PTPRN2: variants seen among roughly 807,000 people sequenced by gnomAD.
PTPRN2 encodes the protein protein tyrosine phosphatase receptor type N2.
A neutral mutation model predicts 118.8 loss-of-function variants in PTPRN2; 74 were observed. The observed-to-expected ratio is 0.62, with a 90% CI of 0.52 to 0.76. PTPRN2 has a LOEUF of 0.76. Among genes scored for constraint, PTPRN2 ranks in the 30% least tolerant of loss-of-function variants. The probability of loss-of-function intolerance (pLI) is 0.00; values close to 1 mark genes in which losing one functional copy is unlikely to be tolerated. For missense variants in PTPRN2, 1,481 were observed against 1,394.4 expected (o/e 1.06, Z -0.99); for synonymous variants, 641 against 608.0 (o/e 1.05, Z -0.80).
At chr7:158,132,913 G>T (rs943205232) in intron 9 of PTPRN2, among the ~76,000 whole-genome samples, 4 of 152,220 alleles carry the variant, frequency 2.6e-5, no homozygotes, top group African/African-American at 9.6e-5. Context: ...GTACATCCAG[G>T]CAGACACGTC....
At chr7:158,556,939 G>A (rs1372074685) in intron 1 of PTPRN2, among the ~76,000 whole-genome samples, 6 of 145,182 alleles carry the variant, frequency 4.1e-5, no homozygotes, top group Non-Finnish European at 9.0e-5. Flanking sequence ...CGGCTCCCGC[G>A]CAGGTCACTC....
At chr7:157,941,922 G>T (rs533610739) in intron 11 of PTPRN2, among the ~76,000 whole-genome samples, 12 of 152,274 alleles carry the variant, frequency 7.9e-5, no homozygotes, top group Admixed American at 2.6e-4. Flanking sequence ...TTTGCTAAGT[G>T]GTTGGTCCCC....
chr7:157,979,174 C>T (rs1390200554), intron 11 of PTPRN2, among the ~76,000 whole-genome samples: 2 of 151,906 alleles, frequency 1.3e-5, no homozygotes, highest in Admixed American at 6.6e-5. Context: ...GCCCAGTCCA[C>T]AGCAGATGGC....
chr7:158,523,354 A>C (rs1586863153), intron 1 of PTPRN2, among the ~76,000 whole-genome samples: 1 of 144,446 alleles, frequency 6.9e-6, no homozygotes, highest in African/African-American at 2.5e-5. Context: ...TCTGCCCTGA[A>C]GTGGAGTCTG....
At chr7:157,669,456 C>A (rs901275261) in intron 13 of PTPRN2, 8 of 458,740 alleles carry the variant, frequency 1.7e-5, no homozygotes, top group Non-Finnish European at 3.5e-5. Flanking sequence ...GGAGGATGCC[C>A]CTGACAGCAG....
rs569825523 is a variant in PTPRN2 at position 158,110,872 on chromosome 7, C to T, written c.1600G>A (p.Ala534Thr). 5.4e-5 allele frequency: 86 copies of T among 1,587,204 alleles called. No individual in the cohort carries two copies. The highest frequency in any genetic ancestry group is 7.0e-5 in the Non-Finnish European group (82 of 1,166,776). ...EEGRRLVEDVARLLQVPSSAF... is the reference protein window; with the variant it reads ...EEGRRLVEDVTRLLQVPSSAF... ...CTGCTGGGCACCTGCAGGAGGCGGG[C>T]GACGTCCTCCACCAGCCGCCTTCCT... is the stretch of plus-strand genomic sequence containing the variant. The change falls in exon 10 of 23, where the codon GCC (alanine) becomes ACC (threonine). Residue 534 changes from alanine (A) to threonine (T), a missense_variant. Ala to Thr is a moderately conservative substitution (Grantham distance 58). Transcript: ENST00000389418.
chr7:157,785,706 A>G lies in PTPRN2; in HGVS notation c.1789-102769T>C, dbSNP rs56928979. Among the ~76,000 whole-genome samples, 35,660 of 152,072 alleles carry G rather than the reference A, an allele frequency of 0.23. 6,559 individuals carry two copies. The highest frequency in any genetic ancestry group is 0.51 in the African/African-American group (21,351 of 41,462). The stretch of plus-strand genomic sequence containing the variant: ...AGGGGGAGCCTGCTCAGAGATGGGC[A>G]TGGGGCCGGCCTGGGAAGCATGGCG... On this transcript the variant is annotated intron_variant, in intron 12 of 22. Transcript: ENST00000389418. This position sits in a 1 kb window ranked among gnomAD's most constrained non-coding sequence, Gnocchi z 7.3.
chr7:158,087,480 C>T (rs570721658), intron 10 of PTPRN2, among the ~76,000 whole-genome samples: 3 of 152,346 alleles, frequency 2.0e-5, no homozygotes, highest in East Asian at 1.9e-4. Flanking sequence ...GAACCATCCA[C>T]CTTTTGACAG....
chr7:157,721,471 C>G (rs1799228736), intron 12 of PTPRN2, among the ~76,000 whole-genome samples: 1 of 152,242 alleles, frequency 6.6e-6, no homozygotes, highest in Non-Finnish European at 1.5e-5. Flanking sequence ...CAAAGCATCT[C>G]CACACGTCGA....
At chr7:158,358,749 G>A (rs896651099) in intron 2 of PTPRN2, among the ~76,000 whole-genome samples, 1 of 152,216 alleles carries the variant, frequency 6.6e-6, no homozygotes, top group Non-Finnish European at 1.5e-5. Flanking sequence ...CCCCCAGATG[G>A]TCAGGTTCAC....
At position 158,406,143 on chromosome 7, in the gene PTPRN2, C is replaced by T. The variant is rs13307030; in HGVS notation, c.163+83592G>A. Among the ~76,000 whole-genome samples, 328 of 100,052 alleles carry T rather than the reference C, an allele frequency of 3.3e-3. 42 individuals are homozygous for T. Among genetic ancestry groups the T allele is most frequent in the African/African-American group, 4.2e-3 (104 of 24,790 alleles). 65.6% of individuals were successfully genotyped at this position (100,052 alleles called of 152,430 possible). On this transcript the variant is annotated intron_variant, in intron 2 of 22. Transcript: ENST00000389418. ...GTGGCTCATCCGTGAGACACGTGGC[C>T]GCACACTGAGATCCCGCAGTGGCTC...
intron 9 of PTPRN2, among the ~76,000 whole-genome samples, chr7:158,128,365 T>G (rs1050542335): frequency 6.6e-6 from 1 of 152,064 alleles, no homozygotes; most frequent in Non-Finnish European, 1.5e-5. Context: ...TCCAACCAGT[T>G]GAAGTCGCAA....
intron 8 of PTPRN2, among the ~76,000 whole-genome samples, chr7:158,134,650 AT>A (rs1421867655): frequency 6.6e-6 from 1 of 152,060 alleles, no homozygotes; most frequent in Non-Finnish European, 1.5e-5. Flanking sequence ...GGGATGTGTA[AT>A]TGATTCTAAC....
intron 12 of PTPRN2, among the ~76,000 whole-genome samples, chr7:157,704,573 G>A (rs770856116): frequency 8.5e-5 from 13 of 152,292 alleles, no homozygotes; most frequent in Middle Eastern, 3.4e-3. Context: ...CGCTCTCCTG[G>A]GCACCCTACC....
In PTPRN2 at chr7:157,976,267, C is replaced by T. The variant is rs575741634; in HGVS notation, c.1724-77530G>A. Among the ~76,000 whole-genome samples, 7 of 152,312 alleles carry T rather than the reference C, an allele frequency of 4.6e-5. No homozygotes were observed. The East Asian group carries it at 5.8e-4, about 13-fold the overall frequency. Reference sequence around the variant, plus strand: ...GAGGTGCTCGGCGATTCCCAGGAGGCGCTGATGAGTTGCTCAGCCTGGCAG... The same window carrying T: ...GAGGTGCTCGGCGATTCCCAGGAGGTGCTGATGAGTTGCTCAGCCTGGCAG... On this transcript the variant is annotated intron_variant, in intron 11 of 22. Transcript: ENST00000389418.
At chr7:158,297,838 T>C (rs374037625) in intron 3 of PTPRN2, among the ~76,000 whole-genome samples, 10 of 152,242 alleles carry the variant, frequency 6.6e-5, no homozygotes, top group African/African-American at 1.9e-4. Context: ...GTGGACAGAA[T>C]GAATTTCCTA....
At chr7:157,781,267 T>G (rs1466179435) in intron 12 of PTPRN2, among the ~76,000 whole-genome samples, 3 of 152,204 alleles carry the variant, frequency 2.0e-5, no homozygotes, top group African/African-American at 7.2e-5. Flanking sequence ...TATCATCTCC[T>G]CAAAGTGGAG....
chr7:157,646,943 CA>C (rs1805130538), intron 14 of PTPRN2, among the ~76,000 whole-genome samples: 11 of 147,330 alleles, frequency 7.5e-5, no homozygotes, highest in East Asian at 2.0e-4. Context: ...CAGACCCATC[CA>C]GGGTGCACTG....
chr7:157,606,692 G>A lies in PTPRN2; in HGVS notation c.2345-2617C>T, dbSNP rs114375540. Among the ~76,000 whole-genome samples, 758 of 152,364 alleles carry A rather than the reference G, an allele frequency of 5.0e-3. 11 individuals are homozygous for A. Among genetic ancestry groups the A allele is most frequent in the African/African-American group, 0.017 (699 of 41,588 alleles). Reference sequence around the variant, plus strand: ...TGGGCGCTGGCACCAGAAGGAAGTGGCCCCAATCATGGAGCAGTGTGGTGG... The same window carrying A: ...TGGGCGCTGGCACCAGAAGGAAGTGACCCCAATCATGGAGCAGTGTGGTGG... On this transcript the variant is annotated intron_variant, in intron 15 of 22. Transcript: ENST00000389418.
Sources: gnomAD v4.1 joint callset for allele counts (sites outside exome capture counted in the v4.1 genomes callset) on GRCh38, gnomAD v4.1.1 for gene constraint, Gnocchi (gnomAD v3.1) non-coding constraint, MANE v1.5 for transcripts, NCBI Gene and HGNC (gene_info 2026-07-23, HGNC 2026-07-21) for gene names.